The following SEPHS1 variants were observed in gnomAD, a reference collection of about 807,000 sequenced individuals.
SEPHS1 encodes selenophosphate synthetase 1.
Under a neutral mutation model 39.2 loss-of-function variants are expected in SEPHS1, and 7 were observed. The ratio of observed to expected loss-of-function variants is 0.18; its 90% CI spans 0.10 to 0.34. The LOEUF is 0.34. Among genes scored for constraint, SEPHS1 ranks in the 10% least tolerant of loss-of-function variants. The pLI is 1.00. For missense variants in SEPHS1, 253 were observed against 514.5 expected (o/e 0.49, Z 4.92); for synonymous variants, 190 against 195.5 (o/e 0.97, Z 0.23).
At chr10:13,345,108 A>G in intron 1 of SEPHS1, 80 bp from the exon 2 acceptor site, 1 of 578,268 alleles carries the variant, frequency 1.7e-6, no homozygotes, top group Non-Finnish European at 2.9e-6. Flanking sequence ...AATACATGAC[A>G]GCGAAAAGTC....
chr10:13,321,141 C>G (rs1444208048), intron 8 of SEPHS1, among the ~76,000 whole-genome samples: 1 of 152,196 alleles, frequency 6.6e-6, no homozygotes, highest in Non-Finnish European at 1.5e-5. Flanking sequence ...TGGTCCCTTG[C>G]CCCGGCCTAC....
rs771273504 is a variant in SEPHS1, at chr10:13,344,924, C to T, written c.27G>A (p.Pro9=). Residue 9 remains proline, a synonymous_variant, in exon 2 of 9, where the codon CCG becomes CCA. Coordinates refer to ENST00000327347, the MANE Select transcript of SEPHS1 (RefSeq NM_012247.5). ...AGCTTTTGTCCAATTCGTAACTTTC[C>T]GGGTTAAAGGACTCCCGCGTAGACA... The part of the protein sequence containing the change: MSTRESFN[P]ESYELDKSFR... 6 of 1,590,148 alleles carry T rather than the reference C, an allele frequency of 3.8e-6. No homozygotes were observed. The highest frequency in any genetic ancestry group is 5.1e-6 in the Non-Finnish European group (6 of 1,167,146).
intron 4 of SEPHS1, among the ~76,000 whole-genome samples, chr10:13,334,787 G>A (rs1046592979): frequency 6.6e-6 from 1 of 152,214 alleles, no homozygotes; most frequent in Non-Finnish European, 1.5e-5. Flanking sequence ...AGATGTTCTA[G>A]ACAACAATGT....
At chr10:13,331,346 A>G (rs1833462470) in intron 5 of SEPHS1, among the ~76,000 whole-genome samples, 1 of 152,034 alleles carries the variant, frequency 6.6e-6, no homozygotes, top group South Asian at 2.1e-4. Context: ...TTGGGTATAT[A>G]CCCAGTAATG....
intron 6 of SEPHS1, among the ~76,000 whole-genome samples, chr10:13,328,774 C>A (rs1047386213): frequency 3.9e-5 from 6 of 152,192 alleles, no homozygotes; most frequent in Admixed American, 6.5e-5. Context: ...AGGGCTCCCC[C>A]ATCCGTGACA....
Position 13,322,859 on chromosome 10 carries a change from G to C in SEPHS1, c.940C>G (p.His314Asp). 1 of 1,613,836 alleles carries C rather than the reference G, an allele frequency of 6.2e-7. No individual in the cohort carries two copies. The highest frequency in any genetic ancestry group is 8.5e-7 in the Non-Finnish European group (1 of 1,179,858). ...KACGNMFGLM[H>D]GTCPETSGGL... ...CCTGAAGTCTCCGGGCAGGTCCCGT[G>C]CATGAGGCCGAACATGTTTCCGCAG... The change falls in exon 8 of 9, where the codon CAC becomes GAC. Residue 314 changes from histidine to aspartate, a missense_variant. Transcript: ENST00000327347.
chr10:13,324,474 TATA>T (rs1299091515), intron 7 of SEPHS1, among the ~76,000 whole-genome samples: 2 of 152,250 alleles, frequency 1.3e-5, no homozygotes, highest in Non-Finnish European at 2.9e-5. Flanking sequence ...CGCTGCATCA[TATA>T]ATAACATATT....
intron 7 of SEPHS1, among the ~76,000 whole-genome samples, chr10:13,326,746 C>T (rs1456299604): frequency 6.6e-6 from 1 of 152,100 alleles, no homozygotes; most frequent in Non-Finnish European, 1.5e-5. Flanking sequence ...GTTGCCTAGG[C>T]TGGTCTCCAA....
At chr10:13,345,160 C>T (rs565699339) in intron 1 of SEPHS1, 132 bp from the exon 2 acceptor site, 1 of 423,090 alleles carries the variant, frequency 2.4e-6, no homozygotes, top group African/African-American at 2.0e-5. Flanking sequence ...CTTATATTCA[C>T]CACAGCAGTG....
rs1832995462 is a variant in SEPHS1 at position 13,318,084 on chromosome 10, A to G, written c.*1058T>C. 1 of 152,238 alleles carries G rather than the reference A, an allele frequency of 6.6e-6. No homozygotes were observed. The allele number at this position is 152,238 out of a possible 1,614,324, so 9.4% of individuals were successfully genotyped here. ...CATCTGATTATACAAGAGCAATTTA[A>G]AAAATTAAATATTTATTTGAATAAC... On this transcript the variant is annotated 3_prime_UTR_variant, in exon 9 of 9. Coordinates refer to ENST00000327347, the MANE Select transcript of SEPHS1 (RefSeq NM_012247.5).
intron 7 of SEPHS1, among the ~76,000 whole-genome samples, chr10:13,328,090 G>C (rs919849173): frequency 1.3e-5 from 2 of 152,118 alleles, no homozygotes; most frequent in African/African-American, 4.8e-5. Flanking sequence ...ATCTTACATA[G>C]GTAACCCACA....
Position 13,317,737 on chromosome 10 carries a change from A to G in SEPHS1, c.*1405T>C, listed in dbSNP as rs1832985619. 6.6e-6 allele frequency: 1 copy of G among 152,258 alleles called. No individual in the cohort carries two copies. The highest frequency in any genetic ancestry group is 2.1e-4 in the South Asian group (1 of 4,834). 9.4% of individuals were successfully genotyped at this position (152,258 alleles called of 1,614,324 possible). A position where few individuals can be genotyped will look rare whatever the true frequency, so the allele number is the denominator to read the frequency against. On this transcript the variant is annotated 3_prime_UTR_variant, in exon 9 of 9. Coordinates refer to ENST00000327347, the MANE Select transcript of SEPHS1 (RefSeq NM_012247.5). Reference sequence around the variant, plus strand: ...ATGTGCAGCTTTGGTGCCTGTGAGCAGAAAGCACCAGAAATGGGCAGGATG... The same window carrying G: ...ATGTGCAGCTTTGGTGCCTGTGAGCGGAAAGCACCAGAAATGGGCAGGATG...
chr10:13,325,725 C>T (rs753499625), intron 7 of SEPHS1, among the ~76,000 whole-genome samples: 26 of 151,476 alleles, frequency 1.7e-4, no homozygotes, highest in Non-Finnish European at 2.7e-4. Flanking sequence ...GGTGAAACCC[C>T]GTCTCTACTA....
At chr10:13,337,832 G>A (rs1318812037) in intron 3 of SEPHS1, among the ~76,000 whole-genome samples, 2 of 152,188 alleles carry the variant, frequency 1.3e-5, no homozygotes, top group Admixed American at 6.6e-5. Context: ...CAGATGTGCG[G>A]AAGAAATATA....
intron 2 of SEPHS1, among the ~76,000 whole-genome samples, chr10:13,341,415 C>G (rs1237043366): frequency 2.6e-5 from 4 of 151,796 alleles, no homozygotes; most frequent in Non-Finnish European, 4.4e-5. Flanking sequence ...GAAAGACAAC[C>G]TAAGTTATCA....
chr10:13,328,874 C>A (rs1298554740), intron 6 of SEPHS1, among the ~76,000 whole-genome samples: 1 of 152,200 alleles, frequency 6.6e-6, no homozygotes, highest in African/African-American at 2.4e-5. Context: ...CCCGCAGTGG[C>A]CTTCTGCTCT....
At position 13,328,416 on chromosome 10, in the gene SEPHS1, G is replaced by A; in HGVS notation, c.686C>T (p.Thr229Ile). The part of the protein sequence containing the change: ...EKWNKIKLVV[T>I]QEDVELAYQE... The stretch of plus-strand genomic sequence containing the variant: ...GTAGGCCAGCTCTACATCTTCTTGG[G>A]TGACCACTAGTTTAATCTTATTCCA... The change falls in exon 7 of 9, where the codon ACC becomes ATC. Residue 229 changes from threonine (T) to isoleucine (I), a missense_variant. Physicochemically the swap from Thr to Ile is moderately conservative, Grantham distance 89. Around this residue, in one of 4 missense-constraint regions of SEPHS1, gnomAD observed 107 missense variants for 257.1 expected, o/e 0.42. Coordinates refer to ENST00000327347, the MANE Select transcript of SEPHS1 (RefSeq NM_012247.5). The A allele has an allele frequency of 6.2e-7, 1 of 1,613,316 alleles. No individual in the cohort carries two copies. Among genetic ancestry groups the A allele is most frequent in the Non-Finnish European group, 8.5e-7 (1 of 1,179,348 alleles).
Position 13,318,992 on chromosome 10 carries a change from A to C in SEPHS1, c.*150T>G. ...ACAGGAAAAAAAGGCAATGGATTTT[A>C]TTTTATTAATTGTATCCACTTACAA... On this transcript the variant is annotated 3_prime_UTR_variant, in exon 9 of 9. Coordinates refer to ENST00000327347, the MANE Select transcript of SEPHS1 (RefSeq NM_012247.5). 1 of 696,038 alleles carries C rather than the reference A, an allele frequency of 1.4e-6. No homozygotes were observed. The allele number at this position is 696,038 out of a possible 1,614,324, so 43.1% of individuals were successfully genotyped here.
Position 13,317,752 on chromosome 10 carries a change from T to A in SEPHS1, c.*1390A>T, listed in dbSNP as rs1832985983. 6.6e-6 allele frequency: 1 copy of A among 152,246 alleles called. No homozygotes were observed. The highest frequency in any genetic ancestry group is 6.5e-5 in the Admixed American group (1 of 15,268). The allele number at this position is 152,246 out of a possible 1,614,324, so 9.4% of individuals were successfully genotyped here. Reference sequence around the variant, plus strand: ...GCCTGTGAGCAGAAAGCACCAGAAATGGGCAGGATGTGCTGCTTTTTCTCT... The same window carrying A: ...GCCTGTGAGCAGAAAGCACCAGAAAAGGGCAGGATGTGCTGCTTTTTCTCT... On this transcript the variant is annotated 3_prime_UTR_variant, in exon 9 of 9. Coordinates refer to ENST00000327347, the MANE Select transcript of SEPHS1 (RefSeq NM_012247.5).
Sources: gnomAD v4.1 joint callset for allele counts (sites outside exome capture counted in the v4.1 genomes callset) on GRCh38, gnomAD v4.1.1 for gene constraint, gnomAD v4.1.1 regional missense constraint, MANE v1.5 for transcripts, NCBI Gene and HGNC (gene_info 2026-07-23, HGNC 2026-07-21) for gene names.